PACRG: variants seen among roughly 807,000 people sequenced by gnomAD.
PACRG encodes parkin coregulated gene protein.
Under a neutral mutation model 29.7 loss-of-function variants are expected in PACRG, and 29 were observed. The ratio of observed to expected loss-of-function variants is 0.98; its 90% CI spans 0.73 to 1.33. The LOEUF (loss-of-function observed/expected upper bound fraction) is 1.33, where lower values mean the gene tolerates loss of function less well. Among genes scored for constraint, PACRG ranks in the 40% most tolerant of loss-of-function variants. The pLI, the probability that PACRG is intolerant of heterozygous loss-of-function variation, is 0.00. For synonymous variants in PACRG, 116 were observed against 118.7 expected (o/e 0.98, Z 0.15); for missense variants, 279 against 316.2 (o/e 0.88, Z 0.89).
intron 4 of PACRG, among the ~76,000 whole-genome samples, chr6:163,273,129 G>A (rs13200617): frequency 0.24 from 34,844 of 146,722 alleles, 4,585 homozygotes; most frequent in Admixed American, 0.32. Context: ...TCCTGACCTC[G>A]TGATCCGCCC....
chr6:162,950,972 G>A (rs535765361), intron 2 of PACRG, among the ~76,000 whole-genome samples: 4 of 152,250 alleles, frequency 2.6e-5, no homozygotes, highest in East Asian at 1.9e-4. Context: ...TAAAACAGAC[G>A]GAGTGTTTAA....
chr6:162,830,153 T>C (rs929824772), intron 2 of PACRG, among the ~76,000 whole-genome samples: 2 of 152,146 alleles, frequency 1.3e-5, no homozygotes, highest in Non-Finnish European at 2.9e-5. Flanking sequence ...CCGATGTATT[T>C]ACCAACCTCA....
chr6:163,179,362 G>T, intron 4 of PACRG: 2 of 371,068 alleles, frequency 5.4e-6, no homozygotes, highest in Non-Finnish European at 5.4e-6. Context: ...GAGCAGCCTG[G>T]CTTCAACCTA....
chr6:162,813,445 A>T, intron 1 of PACRG, among the ~76,000 whole-genome samples: 1 of 152,062 alleles, frequency 6.6e-6, no homozygotes, highest in East Asian at 1.9e-4. Flanking sequence ...GATTTAAAAG[A>T]TGTATTCATT....
At chr6:163,049,696 G>T (rs1809791352) in intron 2 of PACRG, among the ~76,000 whole-genome samples, 1 of 151,832 alleles carries the variant, frequency 6.6e-6, no homozygotes, top group African/African-American at 2.4e-5. Context: ...AGCTTTAAAA[G>T]GTAATTATTC....
intron 2 of PACRG, among the ~76,000 whole-genome samples, chr6:163,006,393 C>T (rs1156661054): frequency 1.3e-5 from 2 of 151,024 alleles, no homozygotes; most frequent in African/African-American, 4.9e-5. Flanking sequence ...ATGTGTGATA[C>T]TGTGGGTTAT....
At chr6:163,012,160 G>T (rs898994843) in intron 2 of PACRG, among the ~76,000 whole-genome samples, 6 of 152,196 alleles carry the variant, frequency 3.9e-5, no homozygotes, top group African/African-American at 1.4e-4. Flanking sequence ...AAGATTTGTT[G>T]TCCTAATTAA....
At chr6:162,808,254 A>C (rs1031777972) in intron 1 of PACRG, among the ~76,000 whole-genome samples, 5 of 152,210 alleles carry the variant, frequency 3.3e-5, no homozygotes, top group Non-Finnish European at 7.3e-5. Context: ...TCAAGTCAAC[A>C]GGTCTTGCCC....
At chr6:162,761,106 C>A (rs1023767882) in intron 1 of PACRG, among the ~76,000 whole-genome samples, 2 of 152,178 alleles carry the variant, frequency 1.3e-5, no homozygotes, top group South Asian at 2.1e-4. Context: ...TGGCTGATGC[C>A]CCAGCCCGCC....
At chr6:163,247,208 C>T (rs906468104) in intron 4 of PACRG, among the ~76,000 whole-genome samples, 13 of 152,130 alleles carry the variant, frequency 8.5e-5, no homozygotes, top group Admixed American at 8.5e-4. Flanking sequence ...AAGGGAGTTT[C>T]ATAATTCAAT....
intron 2 of PACRG, among the ~76,000 whole-genome samples, chr6:162,821,218 T>G (rs1451810764): frequency 6.6e-6 from 1 of 152,236 alleles, no homozygotes; most frequent in African/African-American, 2.4e-5. Flanking sequence ...GTAGCAGAGC[T>G]GCTTGTAGCA....
chr6:163,233,264 T>C (rs1298564785), intron 4 of PACRG, among the ~76,000 whole-genome samples: 1 of 152,076 alleles, frequency 6.6e-6, no homozygotes. Flanking sequence ...AAGCTGAAGG[T>C]GTGTGAATGG....
At chr6:163,269,983 GA>G (rs1295725404) in intron 4 of PACRG, among the ~76,000 whole-genome samples, 2 of 100,382 alleles carry the variant, frequency 2.0e-5, no homozygotes, top group African/African-American at 3.9e-5. Flanking sequence ...AAGAAAGAAA[GA>G]AAGAAAGAAA....
intron 4 of PACRG, among the ~76,000 whole-genome samples, chr6:163,195,967 C>T (rs562137962): frequency 6.6e-6 from 1 of 152,304 alleles, no homozygotes; most frequent in South Asian, 2.1e-4. Context: ...GGCGCAGCTC[C>T]CTCTTGCTCT....
chr6:163,281,679 A>G (rs4475303), intron 4 of PACRG, among the ~76,000 whole-genome samples: 1 of 151,946 alleles, frequency 6.6e-6, no homozygotes, highest in African/African-American at 2.4e-5. Context: ...TAAACATCTT[A>G]TATTCAATAA....
chr6:162,783,558 G>T (rs1784246868), intron 1 of PACRG, among the ~76,000 whole-genome samples: 1 of 151,838 alleles, frequency 6.6e-6, no homozygotes, highest in Non-Finnish European at 1.5e-5. Flanking sequence ...TTTTAGTGAT[G>T]TTTTGAAATC....
intron 4 of PACRG, among the ~76,000 whole-genome samples, chr6:163,163,575 A>G (rs1395120199): frequency 6.6e-6 from 1 of 152,196 alleles, no homozygotes; most frequent in Non-Finnish European, 1.5e-5. Context: ...CCCGGCCTTC[A>G]GCTCCACTTT....
At chr6:163,143,734 C>T (rs995323382) in intron 4 of PACRG, among the ~76,000 whole-genome samples, 4 of 151,714 alleles carry the variant, frequency 2.6e-5, no homozygotes, top group African/African-American at 7.3e-5. Context: ...CAGGCCTGGG[C>T]GACGTCAGCA....
Position 163,178,944 on chromosome 6 carries a change from A to G in PACRG, c.613+89536A>G, listed in dbSNP as rs116296497. Among the ~76,000 whole-genome samples the G allele has an allele frequency of 4.9e-3, 751 of 152,344 alleles. 11 individuals carry two copies. The highest frequency in any genetic ancestry group is 0.017 in the African/African-American group (723 of 41,592). On this transcript the variant is annotated intron_variant, in intron 4 of 4. Transcript: ENST00000366888. Reference sequence around the variant, plus strand: ...GATTAAATTACAAGTAACAATTCCTATTCGGGTTGATAGAGCTCTTTCTTT... The same window carrying G: ...GATTAAATTACAAGTAACAATTCCTGTTCGGGTTGATAGAGCTCTTTCTTT...
Sources: gnomAD v4.1 joint callset for allele counts (sites outside exome capture counted in the v4.1 genomes callset) on GRCh38, gnomAD v4.1.1 for gene constraint, MANE v1.5 for transcripts, NCBI Gene and HGNC (gene_info 2026-07-23, HGNC 2026-07-21) for gene names.